The following NUP205 variants were observed in gnomAD, a reference collection of about 807,000 sequenced individuals.
NUP205 encodes nucleoporin 205.
Under a neutral mutation model 253.8 loss-of-function variants are expected in NUP205, and 76 were observed. That is an observed-to-expected ratio of 0.30 (90% CI 0.25 to 0.36). The LOEUF (loss-of-function observed/expected upper bound fraction) is 0.36, where lower values mean the gene tolerates loss of function less well. Among genes scored for constraint, NUP205 ranks in the 10% least tolerant of loss-of-function variants. NUP205 has a pLI of 1.00. For synonymous variants in NUP205, 832 were observed against 850.1 expected, an observed-to-expected ratio of 0.98 and a Z score of 0.37; for missense variants, 2,162 against 2,425.5, an observed-to-expected ratio of 0.89 and a Z score of 2.28.
chr7:135,615,489 T>G (rs1414551409), intron 23 of NUP205, among the ~76,000 whole-genome samples: 1 of 152,246 alleles, frequency 6.6e-6, no homozygotes, highest in Non-Finnish European at 1.5e-5. Flanking sequence ...TGAGGTATTA[T>G]AAAATCATGC....
intron 13 of NUP205, among the ~76,000 whole-genome samples, chr7:135,596,615 C>T (rs183215030): frequency 1.2e-3 from 190 of 152,158 alleles, no homozygotes; most frequent in African/African-American, 4.4e-3. Flanking sequence ...CTGGACAGAA[C>T]ATCTTAAGTC....
At chr7:135,601,605 T>G in intron 17 of NUP205, 98 bp downstream of exon 17, 1 of 1,284,406 alleles carries the variant, frequency 7.8e-7, no homozygotes, top group Non-Finnish European at 1.1e-6. Flanking sequence ...AAGTCATTTT[T>G]CACTGTAAGA....
intron 22 of NUP205, among the ~76,000 whole-genome samples, chr7:135,607,937 G>A (rs1794123006): frequency 6.6e-6 from 1 of 151,978 alleles, no homozygotes; most frequent in African/African-American, 2.4e-5. Context: ...AAGTAGCTGG[G>A]ACTATATGTG....
At chr7:135,611,126 C>G (rs1794221484) in intron 22 of NUP205, among the ~76,000 whole-genome samples, 1 of 151,716 alleles carries the variant, frequency 6.6e-6, no homozygotes, top group South Asian at 2.1e-4. Context: ...GTGCCTCAGT[C>G]TCCCAAGTAG....
chr7:135,582,565 C>T (rs982196266), intron 7 of NUP205, among the ~76,000 whole-genome samples: 2 of 151,944 alleles, frequency 1.3e-5, no homozygotes, highest in Admixed American at 6.6e-5. Context: ...GGCTCAGTGG[C>T]CTCAACCTCC....
At chr7:135,561,841 T>C (rs1237934696) in intron 1 of NUP205, among the ~76,000 whole-genome samples, 1 of 152,188 alleles carries the variant, frequency 6.6e-6, no homozygotes, top group African/African-American at 2.4e-5. Context: ...GTCCTCTTCC[T>C]AGTCAAGCCT....
At chr7:135,647,575 A>G (rs1455505130) in intron 42 of NUP205, among the ~76,000 whole-genome samples, 1 of 152,226 alleles carries the variant, frequency 6.6e-6, no homozygotes, top group African/African-American at 2.4e-5. Flanking sequence ...GCTGGCATGC[A>G]GTGGTGTGAC....
At chr7:135,604,275 T>A in intron 18 of NUP205, 65 bp from the exon 19 acceptor site, 1 of 1,442,856 alleles carries the variant, frequency 6.9e-7, no homozygotes, top group Non-Finnish European at 9.3e-7. Flanking sequence ...AAATTTTCTT[T>A]ATTGAGAATA....
At chr7:135,622,717 A>T in intron 30 of NUP205, 60 bp from the exon 31 acceptor site, 1 of 1,498,892 alleles carries the variant, frequency 6.7e-7, no homozygotes, top group Non-Finnish European at 9.1e-7. Flanking sequence ...GTGAGGTATA[A>T]TTACTCAGTT....
intron 30 of NUP205, among the ~76,000 whole-genome samples, chr7:135,620,449 C>T (rs1440625748): frequency 2.0e-5 from 3 of 152,214 alleles, no homozygotes; most frequent in Non-Finnish European, 4.4e-5. Flanking sequence ...AGGAGAATCG[C>T]TTGAACCCAG....
At position 135,607,385 on chromosome 7, in the gene NUP205, T is replaced by G. The variant is rs368053422; in HGVS notation, c.3195+14T>G. 3.5e-5 allele frequency: 57 copies of G among 1,611,710 alleles called. No individual in the cohort carries two copies. Among genetic ancestry groups the G allele is most frequent in the Non-Finnish European group, 4.7e-5 (56 of 1,178,968 alleles). On this transcript the variant is annotated intron_variant, in intron 22 of 42. Coordinates refer to ENST00000285968, the MANE Select transcript of NUP205 (RefSeq NM_015135.3). ...CTATGTTACCAGGTACACAGAAAAC[T>G]GCGTTTTGTGGTACTGAATAGAAGA...
intron 20 of NUP205, 152 bp downstream of exon 20, chr7:135,606,378 A>C (rs911402938): frequency 1.6e-6 from 1 of 609,560 alleles, no homozygotes; most frequent in Admixed American, 3.0e-5. Context: ...CAAAATCCAA[A>C]ATAAAATCTG....
rs757602738 is a variant in NUP205 at position 135,600,945 on chromosome 7, G to T, written c.2350G>T (p.Val784Leu). The T allele has an allele frequency of 6.2e-7, 1 of 1,608,422 alleles. No homozygotes were observed. The highest frequency in any genetic ancestry group is 1.1e-5 in the South Asian group (1 of 90,638). ...RDYEPQLEDF[V>L]DQFVELQGEE... Reference sequence around the variant, plus strand: ...TTATGAGCCTCAGCTTGAAGATTTTGTAGACCAGTTTGTGGAACTACAAGG... The same window carrying T: ...TTATGAGCCTCAGCTTGAAGATTTTTTAGACCAGTTTGTGGAACTACAAGG... Residue 784 changes from valine (V) to leucine (L), a missense_variant, in exon 16 of 43, where the codon GTA becomes TTA. This residue lies in a region of NUP205 where 892 missense variants were observed against 957.1 expected (regional missense o/e 0.93). Transcript: ENST00000285968.
intron 30 of NUP205, among the ~76,000 whole-genome samples, chr7:135,622,041 T>G (rs71539420): frequency 0.18 from 27,376 of 151,268 alleles, 2,958 homozygotes; most frequent in East Asian, 0.47. Context: ...TGTCCTCAAG[T>G]GATCCACCGC....
rs1001261104 is a variant in NUP205 at position 135,591,516 on chromosome 7, T to C, written c.1540T>C (p.Leu514=). Residue 514 remains leucine (L), a synonymous_variant, in exon 11 of 43, where the codon TTG becomes CTG. Coordinates refer to ENST00000285968, the MANE Select transcript of NUP205 (RefSeq NM_015135.3). ...GCCTCCAACTATTTATATTCCTTATTTGAAGATGCTCCAGGGATTGGCCAA... is the reference window on the plus strand; with the variant it reads ...GCCTCCAACTATTTATATTCCTTATCTGAAGATGCTCCAGGGATTGGCCAA... ...LLPPTIYIPY[L]KMLQGLANGP... 4.3e-6 allele frequency: 7 copies of C among 1,614,090 alleles called. No individual in the cohort carries two copies. The highest frequency in any genetic ancestry group is 5.9e-6 in the Non-Finnish European group (7 of 1,179,936).
At chr7:135,590,367 G>A (rs1806593795) in intron 10 of NUP205, among the ~76,000 whole-genome samples, 1 of 141,930 alleles carries the variant, frequency 7.0e-6, no homozygotes, top group Non-Finnish European at 1.6e-5. Flanking sequence ...ACCCACCTTG[G>A]CCTCCCAAAG....
At chr7:135,602,668 T>G in intron 17 of NUP205, 137 bp from the exon 18 acceptor site, 2 of 677,746 alleles carry the variant, frequency 3.0e-6, no homozygotes, top group Non-Finnish European at 4.9e-6. Context: ...TAGGTTTTGC[T>G]GCTGAAAGTT....
At chr7:135,558,468 G>A (rs1352565090) in intron 1 of NUP205, among the ~76,000 whole-genome samples, 1 of 152,222 alleles carries the variant, frequency 6.6e-6, no homozygotes, top group Non-Finnish European at 1.5e-5. Context: ...CAGGAAGAGG[G>A]TGGCGGGGCT....
intron 28 of NUP205, among the ~76,000 whole-genome samples, chr7:135,618,859 G>A (rs1794415799): frequency 1.3e-5 from 2 of 152,146 alleles, no homozygotes; most frequent in African/African-American, 2.4e-5. Context: ...ACTGAATGTA[G>A]TGGTGAGACC....
Sources: allele counts gnomAD v4.1 joint callset (sites outside exome capture counted in the v4.1 genomes callset), GRCh38; gene constraint gnomAD v4.1.1; regional missense constraint gnomAD v4.1.1; transcripts MANE v1.5; gene names NCBI Gene and HGNC (gene_info 2026-07-23, HGNC 2026-07-21).